The following SLC28A1 variants were observed in gnomAD, a reference collection of about 807,000 sequenced individuals.
The protein encoded by SLC28A1 is solute carrier family 28 member 1.
Under a neutral mutation model 74.8 loss-of-function variants are expected in SLC28A1, and 64 were observed. The observed-to-expected ratio is 0.86, with a 90% confidence interval of 0.70 to 1.05. SLC28A1 has a LOEUF of 1.05. Ranked by LOEUF, SLC28A1 falls within the 50% of genes least tolerant of loss-of-function variation. The pLI, the probability that SLC28A1 is intolerant of heterozygous loss-of-function variation, is 0.00. For missense variants in SLC28A1, 828 were observed against 822.8 expected (o/e 1.01, Z -0.08); for synonymous variants, 359 against 335.0 (o/e 1.07, Z -0.78).
chr15:84,887,967 C>T, intron 3 of SLC28A1, 111 bp downstream of exon 3: 1 of 781,022 alleles, frequency 1.3e-6, no homozygotes, highest in Non-Finnish European at 2.3e-6. Context: ...CCCCATTCTT[C>T]TGCCCCCTTC....
the SLC28A1 span, among the ~76,000 whole-genome samples, chr15:84,953,620 T>G: frequency 7.9e-5 from 12 of 152,054 alleles, no homozygotes; most frequent in African/African-American, 2.9e-4. Flanking sequence ...GTCCTAGGAG[T>G]CTGAGACAGG....
the SLC28A1 span, among the ~76,000 whole-genome samples, chr15:84,968,093 G>T: frequency 3.2e-4 from 49 of 152,300 alleles, no homozygotes; most frequent in African/African-American, 1.1e-3. Flanking sequence ...TCTGAAGCCT[G>T]TACAGGTAAG....
At chr15:84,942,009 G>C (rs1255746223) in intron 15 of SLC28A1, among the ~76,000 whole-genome samples, 2 of 151,928 alleles carry the variant, frequency 1.3e-5, no homozygotes, top group Non-Finnish European at 2.9e-5. Context: ...CAAAATAAGA[G>C]TAATAATAGT....
intron 8 of SLC28A1, among the ~76,000 whole-genome samples, chr15:84,906,397 C>G (rs981117319): frequency 1.3e-5 from 2 of 152,070 alleles, no homozygotes; most frequent in African/African-American, 2.4e-5. Context: ...CTCACTGCAG[C>G]GTTGACATCC....
the SLC28A1 span, among the ~76,000 whole-genome samples, chr15:84,972,305 G>A: frequency 6.6e-6 from 1 of 152,236 alleles, no homozygotes; most frequent in African/African-American, 2.4e-5. Context: ...GTGAGATGAT[G>A]ATCAATAGCA....
chr15:84,922,261 C>T (rs1306305076), intron 11 of SLC28A1, among the ~76,000 whole-genome samples: 1 of 152,194 alleles, frequency 6.6e-6, no homozygotes, highest in Non-Finnish European at 1.5e-5. Context: ...GACAGGTCAA[C>T]TGGCCCCTTG....
intron 5 of SLC28A1, among the ~76,000 whole-genome samples, chr15:84,893,378 C>T (rs1198778854): frequency 6.6e-6 from 1 of 152,238 alleles, no homozygotes; most frequent in African/African-American, 2.4e-5. Context: ...CTCTGTGGGG[C>T]TCCACCCGTG....
the SLC28A1 span, among the ~76,000 whole-genome samples, chr15:84,972,205 C>T: frequency 1.3e-5 from 2 of 152,170 alleles, no homozygotes; most frequent in African/African-American, 4.8e-5. Flanking sequence ...CTTCCACTGG[C>T]CAGACCCAAT....
chr15:84,910,617 A>G (rs555447408), intron 9 of SLC28A1, among the ~76,000 whole-genome samples: 1 of 152,292 alleles, frequency 6.6e-6, no homozygotes, highest in Non-Finnish European at 1.5e-5. Context: ...AATCCCAGCT[A>G]CTTGGGAGGC....
At chr15:84,898,647 T>C (rs572467914) in intron 6 of SLC28A1, among the ~76,000 whole-genome samples, 1 of 151,372 alleles carries the variant, frequency 6.6e-6, no homozygotes, top group East Asian at 1.9e-4. Flanking sequence ...AGAGACCAGG[T>C]TTATCCTCCC....
At chr15:84,912,613 A>C in intron 9 of SLC28A1, among the ~76,000 whole-genome samples, 1 of 152,036 alleles carries the variant, frequency 6.6e-6, no homozygotes, top group East Asian at 1.9e-4. Flanking sequence ...ACCCGGGAGC[A>C]GACTCTCATT....
At chr15:84,944,407 A>G (rs2142062872) in intron 16 of SLC28A1, among the ~76,000 whole-genome samples, 159 bp from the exon 17 acceptor site, 1 of 152,220 alleles carries the variant, frequency 6.6e-6, no homozygotes, top group Middle Eastern at 3.4e-3. Flanking sequence ...GCCAAAGAGA[A>G]CTCCTGAGCT....
chr15:84,932,694 TTGTC>T (rs1027400875), intron 12 of SLC28A1, among the ~76,000 whole-genome samples: 1 of 152,188 alleles, frequency 6.6e-6, no homozygotes, highest in African/African-American at 2.4e-5. Context: ...TTCTAGAGCT[TTGTC>T]TGAAAGCATT....
chr15:84,924,091 G>C lies in SLC28A1; in HGVS notation c.1064G>C (p.Gly355Ala), dbSNP rs760798468. 1.2e-6 allele frequency: 2 copies of C among 1,613,542 alleles called. No homozygotes were observed. Among genetic ancestry groups the C allele is most frequent in the Non-Finnish European group, 1.7e-6 (2 of 1,179,960 alleles). Residue 355 changes from glycine to alanine, a missense_variant, in exon 12 of 19, where the codon GGT becomes GCT. By Grantham distance (60) the Gly-to-Ala change is moderately conservative (BLOSUM62 0). Transcript: ENST00000394573. ...GCCACCATTGCTGGCAGCCTGCTGGGTGCCTACATCTCCTTTGGGGTAGGT... is the reference window on the plus strand; with the variant it reads ...GCCACCATTGCTGGCAGCCTGCTGGCTGCCTACATCTCCTTTGGGGTAGGT... ...GYATIAGSLLGAYISFGIDAT... is the reference protein window; with the variant it reads ...GYATIAGSLLAAYISFGIDAT...
chr15:84,934,191 G>T (rs1971623514), intron 13 of SLC28A1, among the ~76,000 whole-genome samples: 1 of 152,212 alleles, frequency 6.6e-6, no homozygotes, highest in African/African-American at 2.4e-5. Context: ...TTGCAAAAAT[G>T]CGCACTCCAG....
chr15:84,946,096 ATATATATATATATATATTTT>A (rs1225065320), downstream of SLC28A1, among the ~76,000 whole-genome samples: 4 of 14,890 alleles, frequency 2.7e-4, no homozygotes, highest in Non-Finnish European at 6.6e-4. Context: ...ATATATATAT[ATATATATATATATATATTTT>A]TTTTTTTTTT....
intron 4 of SLC28A1, among the ~76,000 whole-genome samples, chr15:84,889,743 TCC>T (rs1397974405): frequency 0.023 from 3,307 of 142,792 alleles, 98 homozygotes; most frequent in Middle Eastern, 0.046. Flanking sequence ...CTTCCTTCCT[TCC>T]TTCCTTCCTT....
intron 9 of SLC28A1, among the ~76,000 whole-genome samples, chr15:84,913,845 C>A (rs1041292873): frequency 2.5e-5 from 3 of 121,712 alleles, no homozygotes; most frequent in East Asian, 2.9e-4. Context: ...AGTGTCCCTG[C>A]AAGGTTGAAT....
intron 8 of SLC28A1, among the ~76,000 whole-genome samples, chr15:84,907,950 C>T (rs934856659): frequency 1.3e-5 from 2 of 152,058 alleles, no homozygotes; most frequent in Non-Finnish European, 2.9e-5. Context: ...GACTTGCTGC[C>T]CCTGCAGTCA....
Sources: allele counts gnomAD v4.1 joint callset (sites outside exome capture counted in the v4.1 genomes callset), GRCh38; gene constraint gnomAD v4.1.1; transcripts MANE v1.5; gene names NCBI Gene and HGNC (gene_info 2026-07-23, HGNC 2026-07-21).